COL9A1: variants seen among roughly 807,000 people sequenced by gnomAD.
COL9A1 encodes the protein collagen alpha-1(IX) chain.
A neutral mutation model predicts 142.6 loss-of-function variants in COL9A1; 104 were observed. The observed-to-expected ratio is 0.73, with a 90% CI of 0.62 to 0.86. The LOEUF is 0.86. Among genes scored for constraint, COL9A1 ranks in the 40% least tolerant of loss-of-function variants. COL9A1 has a pLI of 0.00. For synonymous variants in COL9A1, 466 were observed against 396.0 expected (o/e 1.18, Z -2.10); for missense variants, 1,210 against 1,176.6 (o/e 1.03, Z -0.42).
At chr6:70,255,460 G>T in intron 21 of COL9A1, 70 bp from the exon 22 acceptor site, 1 of 1,369,592 alleles carries the variant, frequency 7.3e-7, no homozygotes, top group South Asian at 1.2e-5. Context: ...AAATTAGAAA[G>T]TATCATCCAC....
chr6:70,291,980 G>A (rs1276199498), intron 5 of COL9A1, among the ~76,000 whole-genome samples: 1 of 151,902 alleles, frequency 6.6e-6, no homozygotes, highest in Non-Finnish European at 1.5e-5. Context: ...TAAGTTAATG[G>A]GAATAAAAGC....
At chr6:70,290,524 C>A (rs1481787207) in intron 5 of COL9A1, among the ~76,000 whole-genome samples, 1 of 152,066 alleles carries the variant, frequency 6.6e-6, no homozygotes, top group East Asian at 1.9e-4. Flanking sequence ...AGCTATATCA[C>A]AAGCCTATGA....
chr6:70,281,936 C>T (rs1162040063), intron 7 of COL9A1, among the ~76,000 whole-genome samples: 3 of 152,124 alleles, frequency 2.0e-5, no homozygotes, highest in African/African-American at 7.2e-5. Context: ...GCGGGGCGTA[C>T]ACTTGAGGAA....
At chr6:70,269,263 A>G (rs1188776983) in intron 16 of COL9A1, among the ~76,000 whole-genome samples, 1 of 152,218 alleles carries the variant, frequency 6.6e-6, no homozygotes, top group Non-Finnish European at 1.5e-5. Flanking sequence ...GTCTCCAATC[A>G]AATGGGCCAA....
intron 12 of COL9A1, among the ~76,000 whole-genome samples, chr6:70,272,981 G>C (rs1772506053): frequency 6.6e-6 from 1 of 151,996 alleles, no homozygotes; most frequent in Non-Finnish European, 1.5e-5. Context: ...ATTCACAGCT[G>C]TCTGTGATAT....
Position 70,283,618 on chromosome 6 carries a change from C to T in COL9A1, c.780+119G>A, listed in dbSNP as rs1270735993. ...TAGTCAGTACAGCAAAGCACAGGCT[C>T]TCTTAGCGAAAGAGAGTGGGGAGGA... On this transcript the variant is annotated intron_variant, in intron 6 of 37. Coordinates refer to ENST00000357250, the MANE Select transcript of COL9A1 (RefSeq NM_001851.6). The T allele has an allele frequency of 2.3e-5, 18 of 786,348 alleles. No homozygotes were observed. In the East Asian group the frequency reaches 4.5e-4, roughly 20 times the overall value. The allele number at this position is 786,348 out of a possible 1,614,324, so 48.7% of individuals were successfully genotyped here. A position where few individuals can be genotyped will look rare whatever the true frequency, so the allele number is the denominator to read the frequency against.
chr6:70,267,513 C>T (rs951706189), intron 17 of COL9A1, among the ~76,000 whole-genome samples: 2 of 151,308 alleles, frequency 1.3e-5, no homozygotes, highest in African/African-American at 4.9e-5. Context: ...GTAGAGACAG[C>T]GTTTCTCCAT....
At position 70,280,811 on chromosome 6, in the gene COL9A1, C is replaced by G. The variant is rs1356359773; in HGVS notation, c.975+1G>C. The G allele has an allele frequency of 6.2e-7, 1 of 1,612,296 alleles. No homozygotes were observed. The highest frequency in any genetic ancestry group is 8.5e-7 in the Non-Finnish European group (1 of 1,179,442). ...CGCCCTCCCAGCACTCGCCTACTCA[C>G]ATCAGCGCCAGGTGTGCCAGGCTTG... is the stretch of plus-strand genomic sequence containing the variant. On this transcript the variant is annotated splice_donor_variant, in intron 10 of 37. Coordinates refer to ENST00000357250, the MANE Select transcript of COL9A1 (RefSeq NM_001851.6). LOFTEE classifies it high-confidence loss of function.
Position 70,286,657 on chromosome 6 carries a change from G to A in COL9A1, c.697-2837C>T, listed in dbSNP as rs1773462910. Reference sequence around the variant, plus strand: ...CCTTTCAGTTTATGACCAAATGTTAGTTTATACCATCATGAAAGACCTCCT... The same window carrying A: ...CCTTTCAGTTTATGACCAAATGTTAATTTATACCATCATGAAAGACCTCCT... On this transcript the variant is annotated intron_variant, in intron 5 of 37. Coordinates refer to ENST00000357250, the MANE Select transcript of COL9A1 (RefSeq NM_001851.6). Among the ~76,000 whole-genome samples the A allele has an allele frequency of 2.0e-5, 3 of 152,210 alleles. No homozygotes were observed. The South Asian group carries it at 6.2e-4, about 32-fold the overall frequency.
intron 19 of COL9A1, among the ~76,000 whole-genome samples, chr6:70,262,005 A>G (rs187111262): frequency 2.0e-4 from 31 of 152,240 alleles, no homozygotes; most frequent in African/African-American, 7.0e-4. Context: ...ATATCCCCCA[A>G]TGGACCACTT....
At position 70,294,523 on chromosome 6, in the gene COL9A1, A is replaced by C. The variant is rs769945785; in HGVS notation, c.340T>G (p.Leu114Val). 3.1e-6 allele frequency: 5 copies of C among 1,613,956 alleles called. No homozygotes were observed. Among genetic ancestry groups the C allele is most frequent in the East Asian group, 4.5e-5 (2 of 44,878 alleles). Residue 114 changes from leucine (L) to valine (V), a missense_variant, in exon 5 of 38, where the codon TTG becomes GTG. By Grantham distance (32) the Leu-to-Val change is conservative (BLOSUM62 1). Transcript: ENST00000357250. ...CTTCCAGTCATTCGAAACGTCGTCAAGAAGGAGTATTCTTCAGGCAGTCCA... is the reference window on the plus strand; with the variant it reads ...CTTCCAGTCATTCGAAACGTCGTCACGAAGGAGTATTCTTCAGGCAGTCCA... ...PSGLPEEYSF[L>V]TTFRMTGSTL...
intron 7 of COL9A1, 144 bp downstream of exon 7, chr6:70,282,754 G>A: frequency 8.0e-7 from 1 of 1,246,944 alleles, no homozygotes; most frequent in Non-Finnish European, 1.1e-6. Context: ...TAGGACTCGC[G>A]GCAGGTGCTC....
Position 70,280,865 on chromosome 6 carries a change from C to G in COL9A1, c.922G>C (p.Gly308Arg). The part of the protein sequence containing the change: ...KGPPGPPGPA[G>R]EPGKPGAPGK... The stretch of plus-strand genomic sequence containing the variant: ...GGAGCTCCTGGCTTTCCCGGTTCAC[C>G]TGCAGGACCCTGAGCAGGGGCAGAA... Residue 308 changes from glycine (G) to arginine (R), a missense_variant, in exon 10 of 38, where the codon GGT becomes CGT. Transcript: ENST00000357250. 1 of 1,613,516 alleles carries G rather than the reference C, an allele frequency of 6.2e-7. No individual in the cohort carries two copies. Among genetic ancestry groups the G allele is most frequent in the Non-Finnish European group, 8.5e-7 (1 of 1,179,858 alleles).
Position 70,253,429 on chromosome 6 carries a change from C to A in COL9A1, c.1720G>T (p.Gly574Cys). The A allele has an allele frequency of 6.2e-7, 1 of 1,604,748 alleles. No homozygotes were observed. The highest frequency in any genetic ancestry group is 8.5e-7 in the Non-Finnish European group (1 of 1,172,188). ...PGDAGLQGLP[G>C]VPGIPGAKGV... ...TTTGCACCAGGAATTCCAGGTACACCCTAAAAGAATACATACACAATCCTA... is the reference window on the plus strand; with the variant it reads ...TTTGCACCAGGAATTCCAGGTACACACTAAAAGAATACATACACAATCCTA... The change falls in exon 26 of 38, where the codon GGT (glycine) becomes TGT (cysteine). Residue 574 changes from glycine (G) to cysteine (C), a missense_variant and splice_region_variant. Coordinates refer to ENST00000357250, the MANE Select transcript of COL9A1 (RefSeq NM_001851.6).
At chr6:70,228,911 G>T (rs1289292230) in intron 36 of COL9A1, among the ~76,000 whole-genome samples, 1 of 151,994 alleles carries the variant, frequency 6.6e-6, no homozygotes, top group Non-Finnish European at 1.5e-5. Flanking sequence ...TTGTTAACTT[G>T]GTAATTTAAG....
intron 10 of COL9A1, chr6:70,280,556 G>A (rs1773080980): frequency 7.2e-7 from 1 of 1,391,922 alleles, no homozygotes; most frequent in Admixed American, 2.9e-5. Flanking sequence ...GAGACAGGAA[G>A]CCAGTACCCG....
At chr6:70,280,489 C>G (rs1243664368) in intron 10 of COL9A1, 17 of 1,314,682 alleles carry the variant, frequency 1.3e-5, no homozygotes, top group Non-Finnish European at 1.5e-5. Context: ...CCATCCGTAC[C>G]CCCTCTGGCC....
At chr6:70,240,774 TC>T in intron 31 of COL9A1, 41 bp from the exon 32 acceptor site, 2 of 1,485,702 alleles carry the variant, frequency 1.3e-6, no homozygotes, top group Non-Finnish European at 1.9e-6. Context: ...AAATTCTTAG[TC>T]CCATTGCCCA....
chr6:70,237,837 A>G (rs991997037), intron 33 of COL9A1, among the ~76,000 whole-genome samples: 3 of 152,238 alleles, frequency 2.0e-5, no homozygotes, highest in Non-Finnish European at 4.4e-5. Context: ...GCGGTTTGCA[A>G]AGAGCCCAAG....
Sources: allele counts gnomAD v4.1 joint callset (sites outside exome capture counted in the v4.1 genomes callset), GRCh38; gene constraint gnomAD v4.1.1; transcripts MANE v1.5; gene names NCBI Gene and HGNC (gene_info 2026-07-23, HGNC 2026-07-21).